Variants in AK4 observed in about 807,000 individuals in gnomAD.
The protein encoded by AK4 is adenylate kinase 4.
In AK4, 13 loss-of-function variants were observed where a neutral mutation model predicts 24.6. That is an observed-to-expected ratio of 0.53 (90% CI 0.34 to 0.84). The LOEUF is 0.84. AK4 is among the 40% of genes least tolerant of loss of function. The pLI is 0.01. For synonymous variants in AK4, 88 were observed against 107.0 expected (o/e 0.82, Z 1.10); for missense variants, 192 against 288.2 (o/e 0.67, Z 2.42).
intron 1 of AK4, among the ~76,000 whole-genome samples, chr1:65,186,026 A>C (rs1651087538): frequency 6.6e-6 from 1 of 152,180 alleles, no homozygotes; most frequent in African/African-American, 2.4e-5. Context: ...ATGGTTCTAT[A>C]ATAACTCTCC....
chr1:65,192,552 A>C (rs1482633553), intron 2 of AK4, among the ~76,000 whole-genome samples: 1 of 152,194 alleles, frequency 6.6e-6, no homozygotes, highest in Non-Finnish European at 1.5e-5. Context: ...TCCTTCTCAC[A>C]TGCAAAATAT....
intron 1 of AK4, among the ~76,000 whole-genome samples, chr1:65,188,239 A>C (rs1651168755): frequency 6.6e-6 from 1 of 152,018 alleles, no homozygotes; most frequent in African/African-American, 2.4e-5. Context: ...TACTAAAAAT[A>C]CAGAAATTAG....
At chr1:65,219,501 T>C (rs1477702939) in intron 3 of AK4, among the ~76,000 whole-genome samples, 1 of 152,172 alleles carries the variant, frequency 6.6e-6, no homozygotes, top group Non-Finnish European at 1.5e-5. Context: ...TGAATGTCCA[T>C]CTGTAGTGGA....
chr1:65,193,031 A>G (rs974509579), intron 2 of AK4, among the ~76,000 whole-genome samples: 1 of 151,906 alleles, frequency 6.6e-6, no homozygotes, highest in African/African-American at 2.4e-5. Flanking sequence ...ACAGTGGCCC[A>G]CTCCCATGGC....
chr1:65,212,909 A>G (rs893691173), intron 2 of AK4, among the ~76,000 whole-genome samples: 1 of 152,226 alleles, frequency 6.6e-6, no homozygotes, highest in African/African-American at 2.4e-5. Flanking sequence ...AGAGGTAAGT[A>G]AATTTATAGA....
chr1:65,196,221 C>T (rs947487095), intron 2 of AK4, among the ~76,000 whole-genome samples: 2 of 151,910 alleles, frequency 1.3e-5, no homozygotes, highest in Admixed American at 6.6e-5. Context: ...GTGGAAAGGT[C>T]GAAAAAGGCA....
intron 1 of AK4, among the ~76,000 whole-genome samples, chr1:65,159,040 G>A (rs1031021358): frequency 2.0e-5 from 3 of 152,166 alleles, no homozygotes; most frequent in African/African-American, 7.2e-5. Flanking sequence ...AACAGATCCA[G>A]GAGCAAGCAT....
intron 1 of AK4, among the ~76,000 whole-genome samples, chr1:65,182,835 A>G (rs1478708041): frequency 1.3e-5 from 2 of 152,202 alleles, no homozygotes; most frequent in Non-Finnish European, 2.9e-5. Context: ...CTTGTGACCT[A>G]TAGCCTATTC....
chr1:65,153,626 T>C (rs1649874295), intron 1 of AK4, among the ~76,000 whole-genome samples: 1 of 152,008 alleles, frequency 6.6e-6, no homozygotes, highest in Admixed American at 6.6e-5. Context: ...TGTACAAAAT[T>C]TAGAAAATAT....
chr1:65,217,828 G>A (rs921000609), intron 2 of AK4, among the ~76,000 whole-genome samples: 1 of 152,142 alleles, frequency 6.6e-6, no homozygotes, highest in African/African-American at 2.4e-5. Context: ...AAAAACTCTA[G>A]TTCCTTTTAA....
intron 1 of AK4, among the ~76,000 whole-genome samples, chr1:65,190,437 T>C (rs1476759637): frequency 7.4e-6 from 1 of 135,984 alleles, no homozygotes; most frequent in African/African-American, 2.7e-5. Context: ...ACTGTTTCTT[T>C]CTTCCTTTTT....
At chr1:65,198,752 A>G (rs1337802660) in intron 2 of AK4, among the ~76,000 whole-genome samples, 1 of 124,680 alleles carries the variant, frequency 8.0e-6, no homozygotes, top group Non-Finnish European at 1.7e-5. Context: ...TATGCCTGAC[A>G]GTTTTTTTTT....
chr1:65,174,926 A>G (rs1479827886), intron 1 of AK4, among the ~76,000 whole-genome samples: 3 of 152,060 alleles, frequency 2.0e-5, no homozygotes, highest in Non-Finnish European at 4.4e-5. Flanking sequence ...TTGCTTATTT[A>G]TTTTTTCTTT....
Position 65,224,606 on chromosome 1 carries a change from A to G in AK4, c.439-146A>G, listed in dbSNP as rs545505050. 26 of 647,070 alleles carry G rather than the reference A, an allele frequency of 4.0e-5. No individual in the cohort carries two copies. In the Admixed American group the frequency reaches 5.5e-4, roughly 14 times the overall value. 40.1% of individuals were successfully genotyped at this position (647,070 alleles called of 1,614,324 possible). On this transcript the variant is annotated intron_variant, in intron 3 of 4. Coordinates refer to ENST00000327299, the MANE Select transcript of AK4 (RefSeq NM_013410.4). Reference sequence around the variant, plus strand: ...TAAGTGTGCTATTTCTTTTTCTACTACTCTTAAAATTACCACTGTCACCAA... The same window carrying G: ...TAAGTGTGCTATTTCTTTTTCTACTGCTCTTAAAATTACCACTGTCACCAA...
chr1:65,219,041 C>A, intron 3 of AK4, 115 bp downstream of exon 3: 1 of 688,090 alleles, frequency 1.5e-6, no homozygotes, highest in Non-Finnish European at 2.1e-6. Context: ...ATCTACATGA[C>A]CAAAAAACAT....
intron 1 of AK4, among the ~76,000 whole-genome samples, chr1:65,159,085 T>C (rs1387008532): frequency 1.3e-5 from 2 of 152,232 alleles, no homozygotes; most frequent in African/African-American, 4.8e-5. Context: ...ACTGAAATAA[T>C]GCAGAGTCAT....
intron 1 of AK4, among the ~76,000 whole-genome samples, chr1:65,176,171 CT>C (rs1650707699): frequency 6.6e-6 from 1 of 152,076 alleles, no homozygotes; most frequent in Admixed American, 6.6e-5. Context: ...TCTGGATATC[CT>C]TTGTGCTTAG....
At chr1:65,156,776 G>T (rs1033138560) in intron 1 of AK4, among the ~76,000 whole-genome samples, 4 of 151,944 alleles carry the variant, frequency 2.6e-5, no homozygotes, top group Non-Finnish European at 4.4e-5. Context: ...ACAAAAATTA[G>T]CCGGGCGTGG....
intron 2 of AK4, among the ~76,000 whole-genome samples, chr1:65,198,371 C>T (rs1651551220): frequency 6.6e-6 from 1 of 152,204 alleles, no homozygotes; most frequent in Admixed American, 6.5e-5. Flanking sequence ...ATTTGCCCCT[C>T]TCATTGTAGC....
Sources: gnomAD v4.1 joint callset for allele counts (sites outside exome capture counted in the v4.1 genomes callset) on GRCh38, gnomAD v4.1.1 for gene constraint, MANE v1.5 for transcripts, NCBI Gene and HGNC (gene_info 2026-07-23, HGNC 2026-07-21) for gene names.